Variants in PSD3 observed in about 807,000 individuals in gnomAD.
PSD3 encodes the protein PH and SEC7 domain-containing protein 3.
In PSD3, 49 loss-of-function variants were observed where a neutral mutation model predicts 105.5. The ratio of observed to expected loss-of-function variants is 0.46; its 90% CI spans 0.37 to 0.59. The LOEUF is 0.59. PSD3 is among the 20% of genes least tolerant of loss of function. The pLI, the probability that PSD3 is intolerant of heterozygous loss-of-function variation, is 0.00. For missense variants in PSD3, 1,561 were observed against 1,263.8 expected (o/e 1.24, Z -3.57); for synonymous variants, 557 against 457.8 (o/e 1.22, Z -2.77).
At chr8:18,673,237 GTC>G (rs1799886320) in intron 9 of PSD3, among the ~76,000 whole-genome samples, 1 of 151,464 alleles carries the variant, frequency 6.6e-6, no homozygotes, top group African/African-American at 2.4e-5. Context: ...CACCCTGCCC[GTC>G]TCTTTCTTTC....
intron 2 of PSD3, among the ~76,000 whole-genome samples, chr8:18,881,395 A>T (rs1416836823): frequency 6.6e-6 from 1 of 152,202 alleles, no homozygotes; most frequent in Non-Finnish European, 1.5e-5. Context: ...GCTGCAGAAA[A>T]ACCAGGGTCT....
At chr8:18,549,657 G>C (rs1419506264) in intron 15 of PSD3, among the ~76,000 whole-genome samples, 2 of 152,204 alleles carry the variant, frequency 1.3e-5, no homozygotes, top group Non-Finnish European at 2.9e-5. Flanking sequence ...CTGCCATCTT[G>C]CTGATGTCAC....
At chr8:18,889,466 A>C (rs1342422525) in intron 2 of PSD3, among the ~76,000 whole-genome samples, 1 of 152,182 alleles carries the variant, frequency 6.6e-6, no homozygotes, top group Non-Finnish European at 1.5e-5. Flanking sequence ...ACCCAGGCCC[A>C]GGTCCTGGAC....
chr8:18,734,546 C>A (rs886643583), intron 9 of PSD3: 1 of 152,134 alleles, frequency 6.6e-6, no homozygotes, highest in Admixed American at 6.5e-5. Context: ...GTCCTAGGTT[C>A]TCCATTTCAT....
At chr8:18,643,113 A>C (rs1807773481) in intron 10 of PSD3, among the ~76,000 whole-genome samples, 1 of 152,126 alleles carries the variant, frequency 6.6e-6, no homozygotes, top group South Asian at 2.1e-4. Flanking sequence ...AGTTCTGGAG[A>C]CTGGGAAGTC....
intron 9 of PSD3, among the ~76,000 whole-genome samples, chr8:18,763,625 C>T (rs1806726729): frequency 6.6e-6 from 1 of 151,464 alleles, no homozygotes; most frequent in South Asian, 2.1e-4. Context: ...AAAAAGAAAC[C>T]AGGAGAAAAG....
intron 9 of PSD3, among the ~76,000 whole-genome samples, chr8:18,746,226 A>T (rs1269941211): frequency 6.6e-6 from 1 of 151,952 alleles, no homozygotes; most frequent in East Asian, 1.9e-4. Context: ...TTTTTGCTTT[A>T]ATCTTTTTTG....
chr8:18,887,761 T>C (rs915366879), intron 2 of PSD3, among the ~76,000 whole-genome samples: 1 of 152,198 alleles, frequency 6.6e-6, no homozygotes, highest in Non-Finnish European at 1.5e-5. Context: ...ATACATTTAC[T>C]GAGTGCCAAA....
intron 8 of PSD3, among the ~76,000 whole-genome samples, chr8:18,791,304 C>T (rs1809697172): frequency 6.6e-6 from 1 of 152,018 alleles, no homozygotes; most frequent in Admixed American, 6.6e-5. Context: ...AAGCTGGAGG[C>T]ATCGTGCTGT....
intron 8 of PSD3, among the ~76,000 whole-genome samples, chr8:18,787,275 T>C (rs1189663036): frequency 6.6e-6 from 1 of 152,222 alleles, no homozygotes; most frequent in Non-Finnish European, 1.5e-5. Context: ...AATAATACTT[T>C]TTCATATTTT....
intron 1 of PSD3, among the ~76,000 whole-genome samples, chr8:18,990,591 G>T (rs76589789): frequency 0.01 from 1,596 of 152,182 alleles, 27 homozygotes; most frequent in African/African-American, 0.036. Flanking sequence ...CTCACTCCAT[G>T]TGGTTTGGCT....
At chr8:18,775,935 T>C (rs1808022156) in intron 8 of PSD3, among the ~76,000 whole-genome samples, 2 of 152,144 alleles carry the variant, frequency 1.3e-5, no homozygotes, top group Admixed American at 1.3e-4. Flanking sequence ...CCCACCATTG[T>C]AGTGTTTCCC....
chr8:18,649,815 G>T (rs141347893), intron 10 of PSD3, among the ~76,000 whole-genome samples: 14 of 152,244 alleles, frequency 9.2e-5, no homozygotes, highest in Middle Eastern at 3.4e-3. Context: ...TGTGAGATCT[G>T]GTTGTTTAAA....
chr8:18,817,916 T>C (rs1182455650), intron 4 of PSD3, among the ~76,000 whole-genome samples: 2 of 152,132 alleles, frequency 1.3e-5, no homozygotes, highest in Non-Finnish European at 2.9e-5. Context: ...ACTAAAACCA[T>C]GATTACTAAA....
chr8:18,613,540 C>A (rs184486155), intron 11 of PSD3, among the ~76,000 whole-genome samples: 3 of 150,732 alleles, frequency 2.0e-5, no homozygotes, highest in Admixed American at 6.6e-5. Context: ...ACAAGAACCC[C>A]GTTTTTTTTC....
intron 1 of PSD3, among the ~76,000 whole-genome samples, chr8:19,036,285 C>A (rs1015630526): frequency 8.5e-5 from 13 of 152,198 alleles, no homozygotes; most frequent in African/African-American, 2.9e-4. Context: ...AATGCTTATG[C>A]AATCTCAATA....
chr8:18,958,297 AAC>A (rs1277248695), intron 1 of PSD3, among the ~76,000 whole-genome samples: 3 of 152,228 alleles, frequency 2.0e-5, no homozygotes, highest in African/African-American at 7.2e-5. Context: ...ACCCTCTGTT[AAC>A]AGAGATTGTC....
intron 1 of PSD3, among the ~76,000 whole-genome samples, chr8:19,059,080 C>A (rs1828803015): frequency 1.3e-5 from 2 of 152,300 alleles, no homozygotes; most frequent in Middle Eastern, 3.4e-3. Context: ...CTGAACGCTG[C>A]CCATGGAAAT....
chr8:18,890,947 A>G (rs1219770436), intron 2 of PSD3, among the ~76,000 whole-genome samples: 1 of 152,148 alleles, frequency 6.6e-6, no homozygotes, highest in East Asian at 1.9e-4. Context: ...GTCACTTTCT[A>G]AGAAACTCTC....
Sources: gnomAD v4.1 joint callset for allele counts (sites outside exome capture counted in the v4.1 genomes callset) on GRCh38, gnomAD v4.1.1 for gene constraint, MANE v1.5 for transcripts, NCBI Gene and HGNC (gene_info 2026-07-23, HGNC 2026-07-21) for gene names.